The following HS6ST3 variants were observed in gnomAD, a reference collection of about 807,000 sequenced individuals.
HS6ST3 encodes heparan sulfate 6-O-sulfotransferase 3.
Under a neutral mutation model 36.7 loss-of-function variants are expected in HS6ST3, and 12 were observed. The observed-to-expected ratio is 0.33, with a 90% CI of 0.21 to 0.53. HS6ST3 has a LOEUF of 0.53. Ranked by LOEUF, HS6ST3 falls within the 20% of genes least tolerant of loss-of-function variation. The probability of loss-of-function intolerance (pLI) is 0.95; values close to 1 mark genes in which losing one functional copy is unlikely to be tolerated. For missense variants in HS6ST3, 584 were observed against 640.9 expected (o/e 0.91, Z 0.96); for synonymous variants, 240 against 257.5 (o/e 0.93, Z 0.65).
intron 1 of HS6ST3, among the ~76,000 whole-genome samples, chr13:96,347,629 A>T (rs527602625): frequency 3.3e-5 from 5 of 152,352 alleles, no homozygotes; most frequent in Admixed American, 3.3e-4. Context: ...ATCAGAAAAG[A>T]TGTTGGGCAG....
At chr13:96,141,646 C>A (rs2054032435) in intron 1 of HS6ST3, among the ~76,000 whole-genome samples, 1 of 152,190 alleles carries the variant, frequency 6.6e-6, no homozygotes, top group Middle Eastern at 3.4e-3. Flanking sequence ...TTTTAAATTT[C>A]TTTTGATATT....
chr13:96,092,137 G>T (rs1221720273), intron 1 of HS6ST3, among the ~76,000 whole-genome samples: 3 of 152,092 alleles, frequency 2.0e-5, no homozygotes, highest in Non-Finnish European at 4.4e-5. Context: ...CTGTTCTACC[G>T]CGATAGATAA....
chr13:96,436,043 T>G (rs973252847), intron 1 of HS6ST3, among the ~76,000 whole-genome samples: 2 of 152,222 alleles, frequency 1.3e-5, no homozygotes, highest in African/African-American at 4.8e-5. Context: ...ATTCCCCTTC[T>G]TCTCTTTGTT....
At chr13:96,516,601 T>C (rs1306081568) in intron 1 of HS6ST3, among the ~76,000 whole-genome samples, 1 of 152,210 alleles carries the variant, frequency 6.6e-6, no homozygotes, top group Non-Finnish European at 1.5e-5. Flanking sequence ...AAATATTTAA[T>C]TTATATCTTC....
chr13:96,697,639 G>A (rs992930836), intron 1 of HS6ST3, among the ~76,000 whole-genome samples: 3 of 152,128 alleles, frequency 2.0e-5, no homozygotes, highest in African/African-American at 7.2e-5. Flanking sequence ...GTTAACAGAA[G>A]TGCAGCTCAC....
At chr13:96,479,003 A>G (rs1383329397) in intron 1 of HS6ST3, among the ~76,000 whole-genome samples, 1 of 152,238 alleles carries the variant, frequency 6.6e-6, no homozygotes, top group East Asian at 1.9e-4. Context: ...TGTTTCACAA[A>G]TACCTGCTGG....
rs146033180 is a variant in HS6ST3 at position 96,668,686 on chromosome 13, C to CTTTTTTTTTTTTTTTTT, written c.708-163780_708-163764dup. On this transcript the variant is annotated intron_variant, in intron 1 of 1. Coordinates refer to ENST00000376705, the MANE Select transcript of HS6ST3 (RefSeq NM_153456.4). ...GGGAGCTGAGCACAGTAGTGCCAAC[C>CTTTTTTTTTTTTTTTTT]TTTTTTTTTTTTTTTTTTTTTTTTT... Among the ~76,000 whole-genome samples, 4 of 58,942 alleles carry CTTTTTTTTTTTTTTTTT rather than the reference C, an allele frequency of 6.8e-5. 1 individual carries two copies. The highest frequency in any genetic ancestry group is 5.3e-4 in the East Asian group (1 of 1,900). 38.7% of individuals were successfully genotyped at this position (58,942 alleles called of 152,430 possible).
chr13:96,226,350 G>T (rs1029417537), intron 1 of HS6ST3, among the ~76,000 whole-genome samples: 2 of 151,988 alleles, frequency 1.3e-5, no homozygotes, highest in Non-Finnish European at 2.9e-5. Flanking sequence ...GAGAAACCCC[G>T]TCTCTACTAA....
intron 1 of HS6ST3, among the ~76,000 whole-genome samples, chr13:96,739,824 A>AT (rs546137014): frequency 6.6e-6 from 1 of 152,108 alleles, no homozygotes; most frequent in African/African-American, 2.4e-5. Flanking sequence ...CTTCCTATAT[A>AT]TTTTTTTCAG....
intron 1 of HS6ST3, among the ~76,000 whole-genome samples, chr13:96,215,643 C>G (rs1403197240): frequency 3.3e-5 from 5 of 151,612 alleles, no homozygotes; most frequent in Admixed American, 3.3e-4. Context: ...AGCTTTTTTT[C>G]TGTTGAATTT....
intron 1 of HS6ST3, among the ~76,000 whole-genome samples, chr13:96,325,041 A>G (rs1370323362): frequency 6.6e-6 from 1 of 152,186 alleles, no homozygotes; most frequent in Non-Finnish European, 1.5e-5. Flanking sequence ...AATTATCTAG[A>G]AAAAGTTTCC....
intron 1 of HS6ST3, among the ~76,000 whole-genome samples, chr13:96,755,267 T>C (rs1448196097): frequency 6.6e-6 from 1 of 152,200 alleles, no homozygotes; most frequent in Non-Finnish European, 1.5e-5. Flanking sequence ...CTACACACTT[T>C]TGTGTTTGCC....
intron 1 of HS6ST3, among the ~76,000 whole-genome samples, chr13:96,487,256 A>T (rs943479771): frequency 6.6e-6 from 1 of 152,084 alleles, no homozygotes; most frequent in African/African-American, 2.4e-5. Context: ...GAAAACTCTA[A>T]TAGTGCAATG....
intron 1 of HS6ST3, among the ~76,000 whole-genome samples, chr13:96,255,843 T>G (rs2054634360): frequency 6.6e-6 from 1 of 152,156 alleles, no homozygotes; most frequent in African/African-American, 2.4e-5. Context: ...ATTTTACAGA[T>G]CTCTCCATTT....
intron 1 of HS6ST3, among the ~76,000 whole-genome samples, chr13:96,137,975 A>G (rs117409186): frequency 6.6e-6 from 1 of 152,366 alleles, no homozygotes; most frequent in East Asian, 1.9e-4. Flanking sequence ...GTAAGTGTCT[A>G]GTTCCTGGAA....
chr13:96,469,520 A>G (rs1214216842), intron 1 of HS6ST3, among the ~76,000 whole-genome samples: 1 of 152,110 alleles, frequency 6.6e-6, no homozygotes, highest in Non-Finnish European at 1.5e-5. Flanking sequence ...CTGTATTTCT[A>G]TAGTAATTAA....
chr13:96,313,819 C>G (rs149202429), intron 1 of HS6ST3, among the ~76,000 whole-genome samples: 1 of 152,114 alleles, frequency 6.6e-6, no homozygotes, highest in East Asian at 1.9e-4. Flanking sequence ...TGTTCTGACC[C>G]GCACAGGTGT....
At chr13:96,302,918 C>A (rs2054891038) in intron 1 of HS6ST3, among the ~76,000 whole-genome samples, 1 of 152,110 alleles carries the variant, frequency 6.6e-6, no homozygotes, top group African/African-American at 2.4e-5. Context: ...CTCATCTGGT[C>A]TGCTACTTTA....
intron 1 of HS6ST3, among the ~76,000 whole-genome samples, chr13:96,470,318 C>T (rs4771253): frequency 0.78 from 118,347 of 152,068 alleles, 49,025 homozygotes; most frequent in Non-Finnish European, 0.94. Flanking sequence ...CAAAGCATTT[C>T]CCCCTCCCCC....
Sources: allele counts gnomAD v4.1 joint callset (sites outside exome capture counted in the v4.1 genomes callset), GRCh38; gene constraint gnomAD v4.1.1; transcripts MANE v1.5; gene names NCBI Gene and HGNC (gene_info 2026-07-23, HGNC 2026-07-21).